Variants in COL11A1 observed in about 807,000 individuals in gnomAD.
COL11A1 encodes collagen type XI alpha 1 chain.
Under a neutral mutation model 265.2 loss-of-function variants are expected in COL11A1, and 74 were observed. The ratio of observed to expected loss-of-function variants is 0.28; its 90% CI spans 0.23 to 0.34. The LOEUF is 0.34. Among genes scored for constraint, COL11A1 ranks in the 10% least tolerant of loss-of-function variants. The pLI is 1.00. For synonymous variants in COL11A1, 816 were observed against 727.6 expected (o/e 1.12, Z -1.96); for missense variants, 2,165 against 2,263.6 (o/e 0.96, Z 0.88).
At chr1:102,938,116 A>G (rs1400390436) in intron 44 of COL11A1, among the ~76,000 whole-genome samples, 3 of 152,174 alleles carry the variant, frequency 2.0e-5, no homozygotes, top group Admixed American at 6.5e-5. Context: ...ATCTCATAGG[A>G]CTATGGTAAC....
intron 4 of COL11A1, among the ~76,000 whole-genome samples, chr1:103,049,892 G>GA (rs1476898670): frequency 6.6e-6 from 1 of 152,186 alleles, no homozygotes; most frequent in African/African-American, 2.4e-5. Flanking sequence ...ATCCTGGGCT[G>GA]AAAATTCTTT....
intron 26 of COL11A1, 86 bp downstream of exon 26, chr1:102,996,994 A>G: frequency 1.8e-6 from 2 of 1,089,128 alleles, no homozygotes; most frequent in Admixed American, 1.7e-5. Flanking sequence ...TATGAACGTG[A>G]TTTATATATA....
At chr1:103,031,285 C>G (rs747804273) in intron 4 of COL11A1, 41 bp from the exon 5 acceptor site, 1 of 1,587,936 alleles carries the variant, frequency 6.3e-7, no homozygotes, top group African/African-American at 1.3e-5. Context: ...GACACAGATT[C>G]AGTTAGCATA....
At chr1:103,021,632 A>G (rs1667084136) in intron 9 of COL11A1, 75 bp downstream of exon 9, 5 of 937,872 alleles carry the variant, frequency 5.3e-6, no homozygotes, top group East Asian at 2.4e-5. Context: ...ACACGAACAT[A>G]CATAATAATT....
chr1:102,931,530 G>C (rs1657443219), intron 46 of COL11A1, among the ~76,000 whole-genome samples: 1 of 152,140 alleles, frequency 6.6e-6, no homozygotes, highest in African/African-American at 2.4e-5. Context: ...GTCAATTTTG[G>C]AATAGGTGTT....
chr1:102,953,883 G>A (rs542049779), intron 41 of COL11A1, among the ~76,000 whole-genome samples: 2 of 152,184 alleles, frequency 1.3e-5, no homozygotes, highest in Middle Eastern at 3.4e-3. Flanking sequence ...CATTGAAAGT[G>A]CTTAGCTAGA....
Position 102,887,054 on chromosome 1 carries a change from A to T in COL11A1, c.4611T>A (p.Gly1537=), listed in dbSNP as rs923797130. 6.2e-7 allele frequency: 1 copy of T among 1,613,744 alleles called. No homozygotes were observed. The highest frequency in any genetic ancestry group is 8.5e-7 in the Non-Finnish European group (1 of 1,179,788). ...AAGGCTGAATGACTTCACCAGGTGG[A>T]CCCTGTAAAGAAGATAATGTGAGTG... The part of the protein sequence containing the change: ...SGLPGPPGSP[G]PPGEVIQPLP... The change falls in exon 63 of 67, where the codon GGT becomes GGA. Residue 1537 remains glycine (G), a splice_region_variant and synonymous_variant. Coordinates refer to ENST00000370096, the MANE Select transcript of COL11A1 (RefSeq NM_001854.4).
At chr1:102,920,186 T>A (rs907657841) in intron 49 of COL11A1, 125 bp downstream of exon 49, 2 of 920,446 alleles carry the variant, frequency 2.2e-6, no homozygotes, top group Non-Finnish European at 3.6e-6. Context: ...CTAGATGACA[T>A]GTGAATCATA....
At chr1:102,985,552 G>T (rs957782369) in intron 30 of COL11A1, among the ~76,000 whole-genome samples, 1 of 151,958 alleles carries the variant, frequency 6.6e-6, no homozygotes, top group Non-Finnish European at 1.5e-5. Context: ...GTTTTCTTTG[G>T]TAATTACCAC....
chr1:103,039,454 C>T (rs975599909), intron 4 of COL11A1, among the ~76,000 whole-genome samples: 3 of 151,964 alleles, frequency 2.0e-5, no homozygotes, highest in East Asian at 1.9e-4. Flanking sequence ...TAAGGTTAAA[C>T]GAAGCCACTA....
Position 102,923,317 on chromosome 1 carries a change from A to T in COL11A1, c.3654+19T>A. On this transcript the variant is annotated intron_variant, in intron 47 of 66. Transcript: ENST00000370096. ...TGCATATAACACATACCCATCAAAC[A>T]CCAAAAATAAAAACTTACCATGGGA... 1 of 1,599,978 alleles carries T rather than the reference A, an allele frequency of 6.3e-7. No individual in the cohort carries two copies. Among genetic ancestry groups the T allele is most frequent in the South Asian group, 1.1e-5 (1 of 89,242 alleles).
intron 43 of COL11A1, 139 bp from the exon 44 acceptor site, chr1:102,939,227 G>T: frequency 1.3e-6 from 1 of 782,938 alleles, no homozygotes; most frequent in South Asian, 1.5e-5. Flanking sequence ...GGAAAATCTT[G>T]GGTTCCCACT....
chr1:102,898,607 AT>A (rs1186772734), intron 56 of COL11A1, 58 bp downstream of exon 56: 10 of 1,437,232 alleles, frequency 7.0e-6, no homozygotes, highest in African/African-American at 2.8e-5. Flanking sequence ...TTCATTCAAA[AT>A]TTTTTTAAAA....
At chr1:103,064,786 G>C (rs1383943659) in intron 4 of COL11A1, among the ~76,000 whole-genome samples, 2 of 150,606 alleles carry the variant, frequency 1.3e-5, no homozygotes, top group Non-Finnish European at 3.0e-5. Flanking sequence ...GCTGCATACT[G>C]TATGACTGCA....
chr1:103,013,130 T>A (rs1666264804), intron 13 of COL11A1, among the ~76,000 whole-genome samples: 1 of 152,120 alleles, frequency 6.6e-6, no homozygotes, highest in Non-Finnish European at 1.5e-5. Context: ...TAGTATTGTG[T>A]GCTACTTTTG....
intron 1 of COL11A1, among the ~76,000 whole-genome samples, chr1:103,092,226 C>T (rs1212977350): frequency 6.6e-6 from 1 of 151,928 alleles, no homozygotes; most frequent in Non-Finnish European, 1.5e-5. Context: ...ATGTATAGGT[C>T]CAGTTATGTA....
At chr1:102,980,625 C>A (rs1283609095) in intron 31 of COL11A1, among the ~76,000 whole-genome samples, 3 of 130,504 alleles carry the variant, frequency 2.3e-5, no homozygotes, top group Non-Finnish European at 4.9e-5. Flanking sequence ...GGAAATATAA[C>A]AAAGCCTTGT....
chr1:102,937,784 C>A lies in COL11A1; in HGVS notation c.3438+1251G>T, dbSNP rs186101609. 7.6e-3 allele frequency among the ~76,000 whole-genome samples: 1,150 copies of A among 152,236 alleles called. 20 individuals carry two copies. Among genetic ancestry groups the A allele is most frequent in the African/African-American group, 0.026 (1,086 of 41,528 alleles). The stretch of plus-strand genomic sequence containing the variant: ...TTTGTACAACCTGCTGAACTGTAAG[C>A]CAAGTAACCCTATTTTCCTTATAAA... On this transcript the variant is annotated intron_variant, in intron 44 of 66. Transcript: ENST00000370096.
chr1:102,913,543 C>T, intron 53 of COL11A1, 94 bp downstream of exon 53: 1 of 1,208,182 alleles, frequency 8.3e-7, no homozygotes, highest in Admixed American at 1.7e-5. Flanking sequence ...ATACATAGAG[C>T]TATGTTTTTC....
Sources: gnomAD v4.1 joint callset for allele counts (sites outside exome capture counted in the v4.1 genomes callset) on GRCh38, gnomAD v4.1.1 for gene constraint, MANE v1.5 for transcripts, NCBI Gene and HGNC (gene_info 2026-07-23, HGNC 2026-07-21) for gene names.